NFKBID: variants seen among roughly 807,000 people sequenced by gnomAD.
NFKBID encodes NF-kappa-B inhibitor delta.
Under a neutral mutation model 53.4 loss-of-function variants are expected in NFKBID, and 26 were observed. That is an observed-to-expected ratio of 0.49 (90% CI 0.36 to 0.68). The LOEUF is 0.68. Ranked by LOEUF, NFKBID falls within the 30% of genes least tolerant of loss-of-function variation. NFKBID has a pLI of 0.00. For synonymous variants in NFKBID, 262 were observed against 259.8 expected (o/e 1.01, Z -0.08); for missense variants, 493 against 614.1 (o/e 0.80, Z 2.08).
chr19:35,899,349 G>A (rs1975414705), intron 1 of NFKBID, among the ~76,000 whole-genome samples: 1 of 152,034 alleles, frequency 6.6e-6, no homozygotes, highest in African/African-American at 2.4e-5. Context: ...AGAGGCCAAG[G>A]GGGGCGGATC....
chr19:35,893,394 C>T (rs1974913643), intron 9 of NFKBID, among the ~76,000 whole-genome samples: 1 of 152,198 alleles, frequency 6.6e-6, no homozygotes, highest in South Asian at 2.1e-4. Context: ...CTTATCTTGT[C>T]TCTACTCAGT....
intron 9 of NFKBID, among the ~76,000 whole-genome samples, chr19:35,890,914 C>T (rs1280594966): frequency 6.6e-6 from 1 of 152,142 alleles, no homozygotes; most frequent in African/African-American, 2.4e-5. Context: ...GCGAGCCCCA[C>T]CAAGAGTGCC....
chr19:35,888,206 G>A (rs755825906), downstream of NFKBID: 10 of 265,336 alleles, frequency 3.8e-5, no homozygotes, highest in Admixed American at 1.6e-4. Flanking sequence ...CAAGCACCAC[G>A]TAGGGGGATT....
chr19:35,900,827 C>CTTTTTTTTTTTTTTTTTTTTT (rs60365058), upstream of NFKBID, among the ~76,000 whole-genome samples: 242 of 107,586 alleles, frequency 2.2e-3, no homozygotes, highest in East Asian at 3.1e-3. Flanking sequence ...TTTTTCTTTT[C>CTTTTTTTTTTTTTTTTTTTTT]TTTTTTTTTT....
intron 11 of NFKBID, among the ~76,000 whole-genome samples, chr19:35,889,038 C>A (rs1974565937): frequency 6.8e-6 from 1 of 146,352 alleles, no homozygotes; most frequent in Non-Finnish European, 1.5e-5. Flanking sequence ...AAGCAAGACT[C>A]CGCCTCCAAA....
intron 3 of NFKBID, 111 bp downstream of exon 3, chr19:35,898,361 A>G: frequency 1.4e-6 from 1 of 729,256 alleles, no homozygotes; most frequent in Non-Finnish European, 2.3e-6. Context: ...AAAAAAAAAA[A>G]AAAGGGAAGA....
At chr19:35,900,786 G>C (rs1296825170), upstream of NFKBID, 4 of 418,834 alleles carry the variant, frequency 9.6e-6, no homozygotes, top group African/African-American at 2.0e-5. Flanking sequence ...GAAACCGGGG[G>C]GCCTGGATTT....
exon 1 of NFKBID, chr19:35,900,446 G>C: frequency 8.1e-7 from 1 of 1,231,874 alleles, no homozygotes; most frequent in South Asian, 4.1e-5. Context: ...CATTACCTCG[G>C]GGATTCCGTG....
chr19:35,898,855 G>A, intron 1 of NFKBID, 33 bp from the exon 2 acceptor site: 2 of 1,498,800 alleles, frequency 1.3e-6, no homozygotes, highest in Non-Finnish European at 1.8e-6. Flanking sequence ...AAGTCATCAA[G>A]GGTCCTTAAG....
chr19:35,899,090 C>T (rs1975394624), intron 1 of NFKBID, among the ~76,000 whole-genome samples: 1 of 152,200 alleles, frequency 6.6e-6, no homozygotes, highest in Non-Finnish European at 1.5e-5. Flanking sequence ...GGGAGGAGGG[C>T]ACCCCTCTGC....
chr19:35,897,682 C>T, exon 4 of NFKBID: 1 of 1,608,112 alleles, frequency 6.2e-7, no homozygotes, highest in Non-Finnish European at 8.5e-7. Flanking sequence ...GCACGGCTGC[C>T]CTGGGTCCGA....
intron 1 of NFKBID, among the ~76,000 whole-genome samples, chr19:35,900,031 G>C (rs551216281): frequency 3.2e-4 from 38 of 116,940 alleles, no homozygotes; most frequent in African/African-American, 1.1e-3. Flanking sequence ...GCCAGGCTCC[G>C]GACCCTTCCC....
chr19:35,896,131 G>A lies in NFKBID; in HGVS notation c.884-3C>T. The A allele has an allele frequency of 1.2e-6, 2 of 1,614,114 alleles. No individual in the cohort carries two copies. Among genetic ancestry groups the A allele is most frequent in the Non-Finnish European group, 1.7e-6 (2 of 1,179,940 alleles). On this transcript the variant is annotated splice_region_variant and splice_polypyrimidine_tract_variant and intron_variant, in intron 8 of 11. Coordinates refer to ENST00000641389, the Ensembl canonical transcript of NFKBID. This position sits in a 1 kb window ranked among gnomAD's most constrained non-coding sequence, Gnocchi z 5.7. Reference sequence around the variant, plus strand: ...GGCCGTGTGGAGCGGGGTGAGGCCTGCAGAATGGAGACAGTGAGGGACCCG... The same window carrying A: ...GGCCGTGTGGAGCGGGGTGAGGCCTACAGAATGGAGACAGTGAGGGACCCG...
At position 35,890,769 on chromosome 19, in the gene NFKBID, C is replaced by T. The variant is rs917689169; in HGVS notation, c.1033-279G>A. The T allele has an allele frequency of 1.4e-5, 6 of 420,902 alleles. No individual in the cohort carries two copies. The Admixed American group carries it at 1.5e-4, about 11-fold the overall frequency. 26.1% of individuals were successfully genotyped at this position (420,902 alleles called of 1,614,324 possible). On this transcript the variant is annotated intron_variant, in intron 9 of 11. Coordinates refer to ENST00000641389, the Ensembl canonical transcript of NFKBID. ...GTCCCAGCTGCTTGGGAGGCTGAGG[C>T]AGGAGGTTCATTTGAGCCTAGGAGT...
intron 11 of NFKBID, among the ~76,000 whole-genome samples, chr19:35,888,953 G>A (rs1740764102): frequency 6.6e-6 from 1 of 151,980 alleles, no homozygotes; most frequent in African/African-American, 2.4e-5. Context: ...GCTGAGGTGG[G>A]AGAATCACTT....
At chr19:35,888,606 G>T in exon 12 of NFKBID, 1 of 1,571,590 alleles carries the variant, frequency 6.4e-7, no homozygotes, top group Non-Finnish European at 8.6e-7. Flanking sequence ...TTCAACAGCT[G>T]CCGGAGCTGT....
Position 35,896,069 on chromosome 19 carries a change from G to A in NFKBID, c.943C>T (p.Leu315Phe), listed in dbSNP as rs1975120151. ...TGTGTGCTCAGCACCCGGGGACAGAGGTCGGAAGGGCGCATAGCAACGTTA... is the reference window on the plus strand; with the variant it reads ...TGTGTGCTCAGCACCCGGGGACAGAAGTCGGAAGGGCGCATAGCAACGTTA... Residue 315 changes from leucine (L) to phenylalanine (F), a missense_variant, in exon 9 of 12, where the codon CTC becomes TTC. Leu to Phe is a conservative substitution (Grantham distance 22). Coordinates refer to ENST00000641389, the Ensembl canonical transcript of NFKBID. This position sits in a 1 kb window ranked among gnomAD's most constrained non-coding sequence, Gnocchi z 5.7. 1 of 1,614,054 alleles carries A rather than the reference G, an allele frequency of 6.2e-7. No individual in the cohort carries two copies.
At chr19:35,892,132 C>G (rs1279353641) in intron 9 of NFKBID, among the ~76,000 whole-genome samples, 3 of 151,790 alleles carry the variant, frequency 2.0e-5, no homozygotes, top group Non-Finnish European at 4.4e-5. Context: ...CTCACTGCAG[C>G]CTTGACCTCC....
intron 9 of NFKBID, among the ~76,000 whole-genome samples, chr19:35,892,641 C>G (rs1430946615): frequency 6.6e-6 from 1 of 152,072 alleles, no homozygotes; most frequent in Non-Finnish European, 1.5e-5. Flanking sequence ...TCTTCCTCTT[C>G]ATCATTTCTT....
Sources: allele counts gnomAD v4.1 joint callset (sites outside exome capture counted in the v4.1 genomes callset), GRCh38; gene constraint gnomAD v4.1.1; non-coding constraint Gnocchi (gnomAD v3.1); transcripts MANE v1.5; gene names NCBI Gene and HGNC (gene_info 2026-07-23, HGNC 2026-07-21).